Variants in STK33 observed in about 807,000 individuals in gnomAD.
The protein encoded by STK33 is serine/threonine-protein kinase 33.
In STK33, 52 loss-of-function variants were observed where a neutral mutation model predicts 58.0. The ratio of observed to expected loss-of-function variants is 0.90; its 90% CI spans 0.72 to 1.13. The LOEUF is 1.13. Among genes scored for constraint, STK33 ranks in the 50% most tolerant of loss-of-function variants. STK33 has a pLI of 0.00. For missense variants in STK33, 630 were observed against 604.2 expected, an observed-to-expected ratio of 1.04 and a Z score of -0.45; for synonymous variants, 215 against 200.1, an observed-to-expected ratio of 1.07 and a Z score of -0.63.
intron 1 of STK33, among the ~76,000 whole-genome samples, chr11:8,553,131 G>A (rs1306054726): frequency 8.7e-5 from 12 of 138,090 alleles, no homozygotes; most frequent in African/African-American, 1.9e-4. Context: ...GTACTCTAGC[G>A]TGGGTAACAG....
chr11:8,517,047 T>A (rs1952861823), intron 1 of STK33, among the ~76,000 whole-genome samples: 1 of 152,226 alleles, frequency 6.6e-6, no homozygotes, highest in Non-Finnish European at 1.5e-5. Context: ...AGTGGGTCCC[T>A]GACCCCTGAG....
intron 1 of STK33, among the ~76,000 whole-genome samples, chr11:8,484,962 T>C (rs114941748): frequency 1.3e-5 from 2 of 152,328 alleles, no homozygotes; most frequent in African/African-American, 2.4e-5. Context: ...AGGATTTCTC[T>C]TTTGGAGCCA....
the STK33 span, among the ~76,000 whole-genome samples, chr11:8,380,554 CCTT>C: frequency 6.9e-6 from 1 of 144,026 alleles, no homozygotes; most frequent in African/African-American, 2.6e-5. Context: ...GAGTGAAACT[CCTT>C]CTCAAAAAAA....
chr11:8,482,627 C>A (rs12806736), intron 1 of STK33, among the ~76,000 whole-genome samples: 1 of 151,926 alleles, frequency 6.6e-6, no homozygotes, highest in Non-Finnish European at 1.5e-5. Flanking sequence ...TGAGAGATAC[C>A]AGGGTTTGAA....
chr11:8,358,641 C>T, the STK33 span, among the ~76,000 whole-genome samples: 7,478 of 152,158 alleles, frequency 0.049, 265 homozygotes, highest in Non-Finnish European at 0.073. Context: ...TGAGAGGGGG[C>T]GGGTGCTGCG....
At chr11:8,364,097 C>G in the STK33 span, among the ~76,000 whole-genome samples, 1 of 152,134 alleles carries the variant, frequency 6.6e-6, no homozygotes, top group South Asian at 2.1e-4. Flanking sequence ...TTTTTGCGAG[C>G]GTCACTATCT....
intron 14 of STK33, among the ~76,000 whole-genome samples, chr11:8,430,863 A>G (rs950593981): frequency 8.6e-5 from 12 of 139,840 alleles, no homozygotes; most frequent in Admixed American, 7.7e-5. Flanking sequence ...TTTCCTTAAC[A>G]TAATTTTTTT....
At chr11:8,350,329 T>C in the STK33 span, among the ~76,000 whole-genome samples, 1 of 151,936 alleles carries the variant, frequency 6.6e-6, no homozygotes, top group Non-Finnish European at 1.5e-5. Context: ...TATGGAGAAA[T>C]TGAGGGGAGA....
At chr11:8,424,110 G>C (rs1254529180) in intron 14 of STK33, among the ~76,000 whole-genome samples, 1 of 151,318 alleles carries the variant, frequency 6.6e-6, no homozygotes, top group Non-Finnish European at 1.5e-5. Flanking sequence ...TTAACATTAG[G>C]CATATCTCCT....
intron 1 of STK33, among the ~76,000 whole-genome samples, chr11:8,543,587 C>T (rs1484672420): frequency 6.6e-6 from 1 of 151,692 alleles, no homozygotes. Context: ...AGGATGGCTA[C>T]CAGAGGGTGG....
chr11:8,540,440 T>G (rs2140320491), intron 1 of STK33, among the ~76,000 whole-genome samples: 1 of 152,132 alleles, frequency 6.6e-6, no homozygotes, highest in East Asian at 1.9e-4. Flanking sequence ...ATCATACCAC[T>G]GCACTCTAGC....
chr11:8,419,150 T>C (rs183819611), intron 14 of STK33, among the ~76,000 whole-genome samples: 1 of 152,312 alleles, frequency 6.6e-6, no homozygotes, highest in African/African-American at 2.4e-5. Context: ...TCATGAAATC[T>C]TTGCCGGTAC....
chr11:8,400,650 T>C (rs928442273), intron 15 of STK33, among the ~76,000 whole-genome samples: 2 of 152,080 alleles, frequency 1.3e-5, no homozygotes, highest in African/African-American at 4.8e-5. Context: ...AAATAAAGGG[T>C]ATTCAATTAG....
intron 7 of STK33, among the ~76,000 whole-genome samples, chr11:8,462,607 C>A (rs1288064503): frequency 6.6e-6 from 1 of 151,550 alleles, no homozygotes; most frequent in African/African-American, 2.4e-5. Context: ...GAGAGACAGA[C>A]AGACAAAGAG....
chr11:8,344,220 C>CACACAT, the STK33 span, among the ~76,000 whole-genome samples: 2 of 151,746 alleles, frequency 1.3e-5, no homozygotes, highest in Admixed American at 1.3e-4. Context: ...CACACACACA[C>CACACAT]ACACACACAC....
intron 15 of STK33, among the ~76,000 whole-genome samples, chr11:8,406,087 G>A (rs1242269596): frequency 3.4e-5 from 5 of 146,418 alleles, no homozygotes; most frequent in Admixed American, 7.1e-5. Context: ...AGCTTGCAGT[G>A]AGCCGAGATC....
At chr11:8,572,037 A>T (rs1190156497) in intron 1 of STK33, among the ~76,000 whole-genome samples, 86 of 6,684 alleles carry the variant, frequency 0.013, 12 homozygotes, top group Middle Eastern at 0.071. Flanking sequence ...TTTAAAAAAT[A>T]AATTAATTAA....
At chr11:8,408,265 A>G (rs1419570432) in intron 15 of STK33, among the ~76,000 whole-genome samples, 1 of 152,242 alleles carries the variant, frequency 6.6e-6, no homozygotes, top group Non-Finnish European at 1.5e-5. Flanking sequence ...ATAACCCAAC[A>G]CAATGGGTTG....
intron 14 of STK33, among the ~76,000 whole-genome samples, chr11:8,426,218 C>A (rs1477634494): frequency 6.6e-6 from 1 of 152,164 alleles, no homozygotes; most frequent in Non-Finnish European, 1.5e-5. Context: ...AGGTGGTTTT[C>A]CCCTGGAGTC....
Sources: allele counts gnomAD v4.1 joint callset (sites outside exome capture counted in the v4.1 genomes callset), GRCh38; gene constraint gnomAD v4.1.1; transcripts MANE v1.5; gene names NCBI Gene and HGNC (gene_info 2026-07-23, HGNC 2026-07-21).